The following GRIP1 variants were observed in gnomAD, a reference collection of about 807,000 sequenced individuals.
GRIP1 encodes the protein glutamate receptor interacting protein 1.
A neutral mutation model predicts 129.9 loss-of-function variants in GRIP1; 45 were observed. That is an observed-to-expected ratio of 0.35 (90% CI 0.27 to 0.44). GRIP1 has a LOEUF of 0.44. Ranked by LOEUF, GRIP1 falls within the 20% of genes least tolerant of loss-of-function variation. GRIP1 has a pLI of 1.00. For synonymous variants in GRIP1, 530 were observed against 520.8 expected, an observed-to-expected ratio of 1.02 and a Z score of -0.24; for missense variants, 1,196 against 1,396.8, an observed-to-expected ratio of 0.86 and a Z score of 2.29.
intron 1 of GRIP1, among the ~76,000 whole-genome samples, chr12:66,911,197 G>T (rs1204918467): frequency 1.3e-5 from 2 of 152,196 alleles, no homozygotes; most frequent in African/African-American, 4.8e-5. Flanking sequence ...CCATAAAACA[G>T]GTGCTTTAAT....
rs1361465479 is a variant in GRIP1 at position 66,724,961 on chromosome 12, C to G, written c.-420+79092G>C. Among the ~76,000 whole-genome samples, 3 of 152,094 alleles carry G rather than the reference C, an allele frequency of 2.0e-5. No individual in the cohort carries two copies. The East Asian group carries it at 5.8e-4, about 29-fold the overall frequency. Reference sequence around the variant, plus strand: ...ATGAAAAGCCCATCCATTGAAGATTCTTTTTAAAACAAGAGAGCCTTTTAA... The same window carrying G: ...ATGAAAAGCCCATCCATTGAAGATTGTTTTTAAAACAAGAGAGCCTTTTAA... On this transcript the variant is annotated intron_variant, in intron 1 of 4. Coordinates refer to the GRIP1 transcript ENST00000538373.
At chr12:66,789,008 C>T (rs2038445381) in intron 1 of GRIP1, among the ~76,000 whole-genome samples, 1 of 152,126 alleles carries the variant, frequency 6.6e-6, no homozygotes, top group South Asian at 2.1e-4. Context: ...AAATACTTAT[C>T]CTTTGCCTTT....
intron 7 of GRIP1, among the ~76,000 whole-genome samples, chr12:66,479,483 T>A (rs964554787): frequency 6.6e-6 from 1 of 152,040 alleles, no homozygotes; most frequent in African/African-American, 2.4e-5. Flanking sequence ...CCGAATTCTA[T>A]TACAGGTACA....
At chr12:66,935,519 A>G (rs926683828) in intron 1 of GRIP1, among the ~76,000 whole-genome samples, 1 of 152,134 alleles carries the variant, frequency 6.6e-6, no homozygotes, top group Non-Finnish European at 1.5e-5. Context: ...GGAGAGGAAA[A>G]GGTCTAATGA....
intron 5 of GRIP1, among the ~76,000 whole-genome samples, chr12:66,528,718 T>C (rs764512166): frequency 3.6e-4 from 55 of 152,212 alleles, no homozygotes; most frequent in Admixed American, 2.4e-3. Flanking sequence ...TTGAAAAGTA[T>C]AGGATGACTG....
intron 2 of GRIP1, among the ~76,000 whole-genome samples, chr12:66,577,717 AGATGGGAG>A (rs1206455562): frequency 6.6e-6 from 1 of 152,162 alleles, no homozygotes; most frequent in East Asian, 1.9e-4. Context: ...TGGGAGGCTG[AGATGGGAG>A]GATTGCTTGA....
intron 1 of GRIP1, among the ~76,000 whole-genome samples, chr12:66,951,408 A>G (rs1566091939): frequency 6.6e-6 from 1 of 152,168 alleles, no homozygotes; most frequent in African/African-American, 2.4e-5. Flanking sequence ...GCAGGAGGCA[A>G]CAGGGCACAT....
intron 7 of GRIP1, among the ~76,000 whole-genome samples, chr12:66,475,741 T>C (rs1323735925): frequency 6.6e-6 from 1 of 152,046 alleles, no homozygotes; most frequent in Non-Finnish European, 1.5e-5. Context: ...GGGTACATAA[T>C]GAAATGAAGG....
chr12:66,928,802 T>C (rs571089203), intron 1 of GRIP1, among the ~76,000 whole-genome samples: 1 of 152,336 alleles, frequency 6.6e-6, no homozygotes, highest in Admixed American at 6.5e-5. Context: ...TATTGACATA[T>C]ACATTTTCCC....
At chr12:67,062,993 G>C (rs1463625935) in intron 1 of GRIP1, among the ~76,000 whole-genome samples, 3 of 152,168 alleles carry the variant, frequency 2.0e-5, no homozygotes, top group South Asian at 4.1e-4. Flanking sequence ...CCATTAAAAT[G>C]GTAGTTGCCA....
At chr12:67,014,730 G>C (rs928400509) in intron 1 of GRIP1, among the ~76,000 whole-genome samples, 2 of 152,014 alleles carry the variant, frequency 1.3e-5, no homozygotes, top group East Asian at 3.9e-4. Flanking sequence ...AAAAAAGAAG[G>C]CTGCCTAATT....
At chr12:66,948,003 CAG>C (rs1222111359) in intron 1 of GRIP1, among the ~76,000 whole-genome samples, 1 of 152,248 alleles carries the variant, frequency 6.6e-6, no homozygotes, top group East Asian at 1.9e-4. Context: ...CGCTGCTTAT[CAG>C]ACTCCTTTAT....
intron 1 of GRIP1, among the ~76,000 whole-genome samples, chr12:66,674,195 T>C (rs2034216245): frequency 6.6e-6 from 1 of 152,140 alleles, no homozygotes; most frequent in Non-Finnish European, 1.5e-5. Flanking sequence ...TGATGATCAG[T>C]TCTGAATCAT....
chr12:66,516,526 C>CT (rs1367178025), intron 6 of GRIP1, among the ~76,000 whole-genome samples: 5 of 152,138 alleles, frequency 3.3e-5, no homozygotes, highest in African/African-American at 1.2e-4. Context: ...AGTTCACTCT[C>CT]TAAGTCTTTT....
At chr12:66,728,833 ACACTAACAACACTAACC>A (rs1299892334) in intron 1 of GRIP1, among the ~76,000 whole-genome samples, 3 of 152,102 alleles carry the variant, frequency 2.0e-5, no homozygotes, top group Non-Finnish European at 4.4e-5. Flanking sequence ...TCTAAACAAA[ACACTAACAACACTAACC>A]CACAGAATCG....
intron 1 of GRIP1, 30 bp downstream of exon 1, chr12:66,678,820 G>T: frequency 6.2e-7 from 1 of 1,601,614 alleles, no homozygotes; most frequent in South Asian, 1.1e-5. Context: ...CAACAGACTC[G>T]CTGAGGGAAT....
chr12:66,476,044 C>T (rs547132203), intron 7 of GRIP1, among the ~76,000 whole-genome samples: 2 of 151,956 alleles, frequency 1.3e-5, no homozygotes, highest in Non-Finnish European at 2.9e-5. Context: ...GGGATAGAGA[C>T]ACAAAAAACC....
rs1220149761 is a variant in GRIP1 at position 66,392,484 on chromosome 12, G to A, written c.2288C>T (p.Pro763Leu). Residue 763 changes from proline (P) to leucine (L), a missense_variant, in exon 19 of 25, where the codon CCC becomes CTC. Transcript: ENST00000359742. ...KQTDAQSASS[P>L]KKFPISSHLS... is the part of the protein sequence containing the mutation. ...ATGGCTAGAAATAGGGAACTTCTTG[G>A]GGCTCGATGCTGACTGGGCTTTATA... 4 of 1,613,984 alleles carry A rather than the reference G, an allele frequency of 2.5e-6. No individual in the cohort carries two copies. The African/African-American group carries it at 5.3e-5, about 22-fold the overall frequency.
Position 66,742,069 on chromosome 12 carries a change from T to C in GRIP1, c.-420+61984A>G, listed in dbSNP as rs371052430. Among the ~76,000 whole-genome samples, 5 of 152,296 alleles carry C rather than the reference T, an allele frequency of 3.3e-5. No individual in the cohort carries two copies. The South Asian group carries it at 1.0e-3, about 32-fold the overall frequency. On this transcript the variant is annotated intron_variant, in intron 1 of 4. Coordinates refer to the GRIP1 transcript ENST00000538373. Reference sequence around the variant, plus strand: ...TTTCTTCTCTGCTTTATACAGTAACTAGGTTATTTCCCTGCTCTAGTATTA... The same window carrying C: ...TTTCTTCTCTGCTTTATACAGTAACCAGGTTATTTCCCTGCTCTAGTATTA...
Sources: allele counts gnomAD v4.1 joint callset (sites outside exome capture counted in the v4.1 genomes callset), GRCh38; gene constraint gnomAD v4.1.1; transcripts MANE v1.5; gene names NCBI Gene and HGNC (gene_info 2026-07-23, HGNC 2026-07-21).